Variants in IMMP2L observed in about 807,000 individuals in gnomAD.
IMMP2L encodes inner mitochondrial membrane peptidase subunit 2.
A neutral mutation model predicts 19.3 loss-of-function variants in IMMP2L; 18 were observed. The ratio of observed to expected loss-of-function variants is 0.93; its 90% CI spans 0.64 to 1.38. The LOEUF (loss-of-function observed/expected upper bound fraction) is 1.38. IMMP2L is among the 40% of genes most tolerant of loss of function. The pLI, the probability that IMMP2L is intolerant of heterozygous loss-of-function variation, is 0.00. For synonymous variants in IMMP2L, 76 were observed against 73.0 expected (o/e 1.04, Z -0.21); for missense variants, 233 against 218.2 (o/e 1.07, Z -0.43).
intron 3 of IMMP2L, among the ~76,000 whole-genome samples, chr7:111,313,786 G>T (rs1002748065): frequency 2.0e-5 from 3 of 152,098 alleles, no homozygotes; most frequent in African/African-American, 7.2e-5. Flanking sequence ...GCCAAGAAGG[G>T]TCATAGATGG....
chr7:110,838,129 CTAAA>C (rs1209605347), intron 5 of IMMP2L, among the ~76,000 whole-genome samples: 1 of 152,022 alleles, frequency 6.6e-6, no homozygotes, highest in East Asian at 1.9e-4. Flanking sequence ...TTTTAGCTTC[CTAAA>C]TAATCATATT....
intron 3 of IMMP2L, among the ~76,000 whole-genome samples, chr7:111,210,383 A>G (rs214459): frequency 0.45 from 68,266 of 151,930 alleles, 15,851 homozygotes; most frequent in Non-Finnish European, 0.52. Flanking sequence ...TAAACTTACA[A>G]TTGCAAAAAC....
At chr7:111,087,680 T>C (rs1796474638) in intron 3 of IMMP2L, among the ~76,000 whole-genome samples, 1 of 152,194 alleles carries the variant, frequency 6.6e-6, no homozygotes, top group African/African-American at 2.4e-5. Context: ...GAATCTTATA[T>C]GCTAAAAGGG....
At chr7:111,522,295 T>G (rs751773927) in intron 1 of IMMP2L, among the ~76,000 whole-genome samples, 1 of 151,924 alleles carries the variant, frequency 6.6e-6, no homozygotes, top group African/African-American at 2.4e-5. Flanking sequence ...CAGTCAATCA[T>G]AGCAAAAACA....
intron 5 of IMMP2L, among the ~76,000 whole-genome samples, chr7:110,792,152 A>C (rs1800501383): frequency 6.6e-6 from 1 of 151,808 alleles, no homozygotes; most frequent in Non-Finnish European, 1.5e-5. Flanking sequence ...TATTGGGCAC[A>C]GAGAGAGGCA....
intron 3 of IMMP2L, among the ~76,000 whole-genome samples, chr7:111,332,991 T>C (rs958511379): frequency 6.6e-6 from 1 of 152,020 alleles, no homozygotes; most frequent in East Asian, 1.9e-4. Context: ...CTCTTAGTAT[T>C]ACCATGCCCT....
chr7:110,752,258 C>T (rs541408472), intron 5 of IMMP2L, among the ~76,000 whole-genome samples: 2 of 151,976 alleles, frequency 1.3e-5, no homozygotes, highest in East Asian at 3.9e-4. Flanking sequence ...ATGGTAATTA[C>T]AATAGATTTC....
intron 3 of IMMP2L, chr7:111,091,011 G>A (rs1796800889): frequency 6.6e-6 from 1 of 152,168 alleles, no homozygotes; most frequent in Non-Finnish European, 1.5e-5. Flanking sequence ...GTTTGTTTCA[G>A]CCAACCAGAC....
intron 2 of IMMP2L, among the ~76,000 whole-genome samples, chr7:111,507,286 T>TTC (rs1281231793): frequency 6.6e-6 from 1 of 152,182 alleles, no homozygotes; most frequent in African/African-American, 2.4e-5. Flanking sequence ...CACCCTATAT[T>TTC]TCCTCTAATT....
chr7:111,298,256 C>T (rs889698388), intron 3 of IMMP2L, among the ~76,000 whole-genome samples: 2 of 152,078 alleles, frequency 1.3e-5, no homozygotes. Context: ...TAGAACCAGA[C>T]AGCCTCAGCT....
At position 111,193,603 on chromosome 7, in the gene IMMP2L, AAT is replaced by A. The variant is rs559747818; in HGVS notation, c.240-230040_240-230039del. ...GGGATTAAGGAGAAAAGGGATGCTA[AAT>A]ATAGTCCTCCGAATGGGAAATCCTC... On this transcript the variant is annotated intron_variant, in intron 3 of 5. Transcript: ENST00000405709. Among the ~76,000 whole-genome samples the A allele has an allele frequency of 6.4e-3, 975 of 152,248 alleles. 5 individuals carry two copies. Among genetic ancestry groups the A allele is most frequent in the Middle Eastern group, 0.01 (3 of 294 alleles).
intron 3 of IMMP2L, among the ~76,000 whole-genome samples, chr7:111,272,979 C>A (rs528073424): frequency 6.6e-6 from 1 of 151,992 alleles, no homozygotes; most frequent in South Asian, 2.1e-4. Flanking sequence ...GGAAGAAACA[C>A]CTAGATCAAA....
rs187957638 is a variant in IMMP2L at position 111,368,671 on chromosome 7, T to C, written c.239+118567A>G. Among the ~76,000 whole-genome samples the C allele has an allele frequency of 2.6e-5, 4 of 152,100 alleles. No individual in the cohort carries two copies. In the East Asian group the frequency reaches 7.7e-4, roughly 29 times the overall value. ...TGTCTAACAAACTCCTTTTTTGCTT[T>C]TAAGTCAATCTGTTTCCTTTACTGG... On this transcript the variant is annotated intron_variant, in intron 3 of 5. Transcript: ENST00000405709.
intron 3 of IMMP2L, among the ~76,000 whole-genome samples, chr7:111,400,732 C>T (rs995454852): frequency 2.0e-5 from 3 of 152,004 alleles, no homozygotes; most frequent in African/African-American, 7.3e-5. Flanking sequence ...TAAAAAGGAG[C>T]TCTCAATCTC....
chr7:111,399,292 C>T (rs1833198521), intron 3 of IMMP2L, among the ~76,000 whole-genome samples: 1 of 152,060 alleles, frequency 6.6e-6, no homozygotes, highest in South Asian at 2.1e-4. Context: ...GCACATAGAC[C>T]AATGGAACAC....
intron 4 of IMMP2L, among the ~76,000 whole-genome samples, chr7:110,917,841 A>T (rs529877047): frequency 1.3e-5 from 2 of 152,366 alleles, no homozygotes; most frequent in East Asian, 3.9e-4. Flanking sequence ...TTGGATAATA[A>T]GAAATTAATG....
chr7:111,510,150 C>T (rs1845303107), intron 2 of IMMP2L, among the ~76,000 whole-genome samples: 1 of 152,060 alleles, frequency 6.6e-6, no homozygotes, highest in South Asian at 2.1e-4. Context: ...TTAAAGGGAA[C>T]TTCAGAAAAA....
chr7:111,224,573 A>C (rs1287613264), intron 3 of IMMP2L, among the ~76,000 whole-genome samples: 1 of 152,112 alleles, frequency 6.6e-6, no homozygotes, highest in Non-Finnish European at 1.5e-5. Flanking sequence ...TTGGTGACAG[A>C]GGGTGACAAG....
chr7:110,851,740 T>G (rs1434258927), intron 5 of IMMP2L, among the ~76,000 whole-genome samples: 3 of 152,262 alleles, frequency 2.0e-5, no homozygotes, highest in Non-Finnish European at 4.4e-5. Flanking sequence ...TGAAAAATTC[T>G]TAGCTAAAAG....
Sources: allele counts gnomAD v4.1 joint callset (sites outside exome capture counted in the v4.1 genomes callset), GRCh38; gene constraint gnomAD v4.1.1; transcripts MANE v1.5; gene names NCBI Gene and HGNC (gene_info 2026-07-23, HGNC 2026-07-21).